LRPPRC: variants seen among roughly 807,000 people sequenced by gnomAD.
LRPPRC encodes the protein leucine-rich PPR motif-containing protein, mitochondrial.
LRPPRC carries 120 observed loss-of-function variants against 180.3 expected under a neutral mutation model. The observed-to-expected ratio is 0.67, with a 90% CI of 0.57 to 0.77. LRPPRC has a LOEUF of 0.77. LRPPRC is among the 30% of genes least tolerant of loss of function. LRPPRC has a pLI of 0.00. For synonymous variants in LRPPRC, 723 were observed against 600.0 expected (o/e 1.21, Z -3.00); for missense variants, 2,012 against 1,657.2 (o/e 1.21, Z -3.72).
At chr2:43,924,126 A>G (rs1202625379) in intron 27 of LRPPRC, among the ~76,000 whole-genome samples, 1 of 152,208 alleles carries the variant, frequency 6.6e-6, no homozygotes, top group Non-Finnish European at 1.5e-5. Context: ...GGTAATAAAT[A>G]CAAGTTTGAA....
At chr2:43,903,333 G>C (rs993255788) in intron 31 of LRPPRC, 2 of 152,130 alleles carry the variant, frequency 1.3e-5, no homozygotes, top group African/African-American at 2.4e-5. Flanking sequence ...CCACGTATCA[G>C]CTATTAATAT....
chr2:43,922,605 A>G (rs761714177), intron 27 of LRPPRC, among the ~76,000 whole-genome samples: 14 of 152,162 alleles, frequency 9.2e-5, no homozygotes, highest in Non-Finnish European at 2.1e-4. Context: ...TAAAAATACA[A>G]AAAATTAGCC....
chr2:43,958,327 T>C (rs1572546498), intron 13 of LRPPRC, among the ~76,000 whole-genome samples: 1 of 152,212 alleles, frequency 6.6e-6, no homozygotes, highest in East Asian at 1.9e-4. Flanking sequence ...GAGGAATTCA[T>C]AGTAGAAGCA....
intron 1 of LRPPRC, among the ~76,000 whole-genome samples, chr2:43,984,722 A>T (rs1050086224): frequency 6.6e-6 from 1 of 152,190 alleles, no homozygotes; most frequent in Non-Finnish European, 1.5e-5. Context: ...TCCAGGGGTG[A>T]CGGTGGGGCC....
At chr2:43,947,421 T>C (rs1369390408) in intron 19 of LRPPRC, 51 bp from the exon 20 acceptor site, 5 of 890,212 alleles carry the variant, frequency 5.6e-6, no homozygotes, top group Admixed American at 1.8e-5. Flanking sequence ...GGAAATATAG[T>C]ATGCCTTTTG....
intron 29 of LRPPRC, among the ~76,000 whole-genome samples, chr2:43,915,274 ACAC>A (rs1273281908): frequency 6.9e-6 from 1 of 144,208 alleles, no homozygotes; most frequent in Non-Finnish European, 1.5e-5. Flanking sequence ...ACACACACAC[ACAC>A]AAGTTCATCA....
chr2:43,954,650 A>G (rs1170468043), intron 14 of LRPPRC, among the ~76,000 whole-genome samples: 2 of 152,208 alleles, frequency 1.3e-5, no homozygotes, highest in African/African-American at 4.8e-5. Flanking sequence ...TAATGTATAT[A>G]TAATATATAT....
At chr2:43,896,532 C>T in intron 35 of LRPPRC, 102 bp downstream of exon 35, 1 of 752,868 alleles carries the variant, frequency 1.3e-6, no homozygotes, top group Non-Finnish European at 2.3e-6. Flanking sequence ...CTATAGTATT[C>T]TCAAATAAGG....
At chr2:43,893,650 C>G (rs1319490864) in intron 36 of LRPPRC, among the ~76,000 whole-genome samples, 2 of 152,070 alleles carry the variant, frequency 1.3e-5, no homozygotes, top group Non-Finnish European at 2.9e-5. Context: ...ACTGGGAAAC[C>G]AAAAAATTCA....
Position 43,912,510 on chromosome 2 carries a change from T to C in LRPPRC, c.3197A>G (p.Asn1066Ser). 1 of 1,601,758 alleles carries C rather than the reference T, an allele frequency of 6.2e-7. No homozygotes were observed. Among genetic ancestry groups the C allele is most frequent in the South Asian group, 1.1e-5 (1 of 90,810 alleles). Residue 1066 changes from asparagine to serine, a missense_variant, in exon 30 of 38, where the codon AAT becomes AGT. By Grantham distance (46) the Asn-to-Ser change is conservative. Coordinates refer to ENST00000260665, the MANE Select transcript of LRPPRC (RefSeq NM_133259.4). ...LNAKEQNIVFNAETYSNLIKL... is the reference protein window; with the variant it reads ...LNAKEQNIVFSAETYSNLIKL... ...AATGAGATTGCTGTAGGTTTCAGCA[T>C]TAAACACAATGTTTTGCTCTTTTGC...
intron 23 of LRPPRC, among the ~76,000 whole-genome samples, chr2:43,938,106 ACTC>A (rs1418796516): frequency 6.6e-6 from 1 of 152,064 alleles, no homozygotes; most frequent in Non-Finnish European, 1.5e-5. Flanking sequence ...TTAAAGGCTC[ACTC>A]CTAATAAAAA....
At chr2:43,921,657 G>A (rs764208942) in intron 27 of LRPPRC, among the ~76,000 whole-genome samples, 33 of 152,142 alleles carry the variant, frequency 2.2e-4, no homozygotes, top group African/African-American at 7.0e-4. Flanking sequence ...TGAGATAAGC[G>A]GTTAGGGGGT....
chr2:43,934,156 C>T, intron 25 of LRPPRC, 34 bp downstream of exon 25: 1 of 1,166,202 alleles, frequency 8.6e-7, no homozygotes, highest in South Asian at 1.2e-5. Flanking sequence ...GTCTAAATAG[C>T]TCTACAATTA....
chr2:43,980,918 A>G (rs941959556), intron 2 of LRPPRC, among the ~76,000 whole-genome samples: 5 of 152,212 alleles, frequency 3.3e-5, no homozygotes, highest in African/African-American at 1.2e-4. Flanking sequence ...TGGTTGAATA[A>G]ATAAGTCAGA....
intron 1 of LRPPRC, among the ~76,000 whole-genome samples, chr2:43,994,459 A>G (rs1246869248): frequency 6.6e-6 from 1 of 152,250 alleles, no homozygotes; most frequent in Admixed American, 6.5e-5. Context: ...CTTAATACAG[A>G]TAATTCTGCA....
At chr2:43,959,068 T>G in intron 13 of LRPPRC, 1 of 577,450 alleles carries the variant, frequency 1.7e-6, no homozygotes. Context: ...TCTAGTTTCC[T>G]TAGCAACAAA....
At chr2:43,990,354 G>T (rs913673589) in intron 1 of LRPPRC, among the ~76,000 whole-genome samples, 1 of 152,030 alleles carries the variant, frequency 6.6e-6, no homozygotes, top group Non-Finnish European at 1.5e-5. Flanking sequence ...GGATCTTTTC[G>T]TCAGTTCTTT....
rs750623636 is a variant in LRPPRC at position 43,905,794 on chromosome 2, A to T, written c.3276-14T>A. The T allele has an allele frequency of 9.7e-6, 15 of 1,541,430 alleles. No homozygotes were observed. The highest frequency in any genetic ancestry group is 1.2e-5 in the Non-Finnish European group (13 of 1,113,458). On this transcript the variant is annotated splice_polypyrimidine_tract_variant and intron_variant, in intron 30 of 37. Coordinates refer to ENST00000260665, the MANE Select transcript of LRPPRC (RefSeq NM_133259.4). ...TGGGTCTCCGCGCTAAAAGAAGCAG[A>T]CATTTAGAAAGGAATTACTGACATG...
At chr2:43,934,586 T>C (rs537690724) in intron 24 of LRPPRC, among the ~76,000 whole-genome samples, 168 bp downstream of exon 24, 1 of 152,048 alleles carries the variant, frequency 6.6e-6, no homozygotes, top group East Asian at 1.9e-4. Context: ...ATCAAGAACA[T>C]GTATAATATT....
Sources: gnomAD v4.1 joint callset for allele counts (sites outside exome capture counted in the v4.1 genomes callset) on GRCh38, gnomAD v4.1.1 for gene constraint, MANE v1.5 for transcripts, NCBI Gene and HGNC (gene_info 2026-07-23, HGNC 2026-07-21) for gene names.